The following CTNND2 variants were observed in gnomAD, a reference collection of about 807,000 sequenced individuals.
CTNND2 encodes catenin delta-2.
In CTNND2, 22 loss-of-function variants were observed where a neutral mutation model predicts 144.4. The ratio of observed to expected loss-of-function variants is 0.15; its 90% CI spans 0.11 to 0.22. The LOEUF (loss-of-function observed/expected upper bound fraction) is 0.22. Among genes scored for constraint, CTNND2 ranks in the 10% least tolerant of loss-of-function variants. The probability of loss-of-function intolerance (pLI) is 1.00; values close to 1 mark genes in which losing one functional copy is unlikely to be tolerated. For synonymous variants in CTNND2, 751 were observed against 695.6 expected (o/e 1.08, Z -1.25); for missense variants, 1,353 against 1,618.8 (o/e 0.84, Z 2.82).
intron 1 of CTNND2, among the ~76,000 whole-genome samples, chr5:11,764,966 A>T (rs73743230): frequency 1.3e-4 from 20 of 152,328 alleles, no homozygotes; most frequent in African/African-American, 4.8e-4. Context: ...AAATTTATCA[A>T]GTTCCATTGG....
rs140586359 is a variant in CTNND2 at position 11,180,709 on chromosome 5, G to A, written c.1975+18739C>T. The stretch of plus-strand genomic sequence containing the variant: ...ATCTCTTTTCCATATTTGCCCTAGG[G>A]CTTAGCTGAGCAACACACTCTAGAT... On this transcript the variant is annotated intron_variant, in intron 11 of 21. Coordinates refer to ENST00000304623, the MANE Select transcript of CTNND2 (RefSeq NM_001332.4). Among the ~76,000 whole-genome samples, 47 of 152,302 alleles carry A rather than the reference G, an allele frequency of 3.1e-4. No individual in the cohort carries two copies. In the East Asian group the frequency reaches 8.7e-3, roughly 28 times the overall value.
Position 11,723,323 on chromosome 5 carries a change from G to A in CTNND2, c.174+8813C>T, listed in dbSNP as rs540644878. Among the ~76,000 whole-genome samples the A allele has an allele frequency of 3.9e-5, 6 of 152,160 alleles. No homozygotes were observed. In the South Asian group the frequency reaches 1.0e-3, roughly 26 times the overall value. ...GAGTAAATAAGCCTCATATTAAACTGAAAATATCTCATTCCACCTGATTAA... is the reference window on the plus strand; with the variant it reads ...GAGTAAATAAGCCTCATATTAAACTAAAAATATCTCATTCCACCTGATTAA... On this transcript the variant is annotated intron_variant, in intron 2 of 21. Coordinates refer to ENST00000304623, the MANE Select transcript of CTNND2 (RefSeq NM_001332.4).
chr5:11,165,375 A>T (rs1287975995), intron 11 of CTNND2, among the ~76,000 whole-genome samples: 3 of 152,158 alleles, frequency 2.0e-5, no homozygotes, highest in African/African-American at 7.2e-5. Context: ...CTGAGGAAAA[A>T]CTATAAAACT....
At chr5:11,543,957 T>C (rs1774985204) in intron 3 of CTNND2, among the ~76,000 whole-genome samples, 1 of 152,134 alleles carries the variant, frequency 6.6e-6, no homozygotes, top group Non-Finnish European at 1.5e-5. Flanking sequence ...GGAACATGAA[T>C]CCACAATCGG....
At chr5:11,290,606 T>C (rs73743737) in intron 9 of CTNND2, among the ~76,000 whole-genome samples, 291 of 152,310 alleles carry the variant, frequency 1.9e-3, no homozygotes, top group African/African-American at 6.9e-3. Flanking sequence ...GCAACTATAA[T>C]TTACCTTCAG....
intron 3 of CTNND2, among the ~76,000 whole-genome samples, chr5:11,552,003 C>G (rs1775807153): frequency 6.6e-6 from 1 of 152,228 alleles, no homozygotes; most frequent in South Asian, 2.1e-4. Context: ...ATCCTGGCCT[C>G]AAGTGATCCC....
intron 16 of CTNND2, among the ~76,000 whole-genome samples, chr5:11,043,379 G>A (rs758682759): frequency 3.3e-5 from 5 of 152,024 alleles, no homozygotes; most frequent in Non-Finnish European, 7.4e-5. Context: ...CAGGATTCCA[G>A]CATTCATATT....
At chr5:11,678,399 T>G (rs987426475) in intron 2 of CTNND2, among the ~76,000 whole-genome samples, 1 of 152,142 alleles carries the variant, frequency 6.6e-6, no homozygotes, top group African/African-American at 2.4e-5. Context: ...CTAGACCTGC[T>G]GAGTCAAGAG....
intron 2 of CTNND2, among the ~76,000 whole-genome samples, chr5:11,636,917 T>C (rs1781737358): frequency 6.6e-6 from 1 of 152,144 alleles, no homozygotes. Flanking sequence ...ATTTAGAATT[T>C]ATTTCTCTGA....
intron 3 of CTNND2, among the ~76,000 whole-genome samples, chr5:11,544,334 T>C (rs187262030): frequency 1.7e-4 from 26 of 152,274 alleles, no homozygotes; most frequent in Non-Finnish European, 2.4e-4. Flanking sequence ...AACAGCTTAA[T>C]AGAACACTGA....
At chr5:11,337,457 T>C (rs1393856098) in intron 9 of CTNND2, among the ~76,000 whole-genome samples, 1 of 152,202 alleles carries the variant, frequency 6.6e-6, no homozygotes, top group Non-Finnish European at 1.5e-5. Context: ...TTGCAGTCTT[T>C]GATATCTGTT....
chr5:11,555,585 G>A (rs1343115795), intron 3 of CTNND2, among the ~76,000 whole-genome samples: 1 of 151,970 alleles, frequency 6.6e-6, no homozygotes, highest in Non-Finnish European at 1.5e-5. Flanking sequence ...TGAATCTTGA[G>A]GACCCAAAAA....
intron 3 of CTNND2, among the ~76,000 whole-genome samples, chr5:11,508,738 C>T (rs967010620): frequency 6.6e-6 from 1 of 151,964 alleles, no homozygotes; most frequent in African/African-American, 2.4e-5. Flanking sequence ...ATGGTGAAAC[C>T]CCATCTCTAC....
At chr5:11,279,555 G>A (rs890217882) in intron 9 of CTNND2, among the ~76,000 whole-genome samples, 3 of 152,140 alleles carry the variant, frequency 2.0e-5, no homozygotes, top group African/African-American at 7.2e-5. Flanking sequence ...CCACTTCAAA[G>A]CTAAGGAAAT....
chr5:11,277,879 T>A (rs1746709074), intron 9 of CTNND2, among the ~76,000 whole-genome samples: 1 of 152,180 alleles, frequency 6.6e-6, no homozygotes, highest in Admixed American at 6.5e-5. Flanking sequence ...AATACCCAAG[T>A]GCACTTCCCT....
chr5:11,153,606 A>G (rs945935993), intron 12 of CTNND2, among the ~76,000 whole-genome samples: 10 of 152,196 alleles, frequency 6.6e-5, no homozygotes, highest in African/African-American at 2.2e-4. Flanking sequence ...GCACTCATCC[A>G]TTTTATGGGT....
chr5:11,020,172 T>TA (rs1262304785), intron 17 of CTNND2, among the ~76,000 whole-genome samples: 1 of 152,116 alleles, frequency 6.6e-6, no homozygotes, highest in African/African-American at 2.4e-5. Context: ...GCAGTTCTGA[T>TA]AGACTGTGAT....
chr5:11,138,778 G>A (rs1251916724), intron 12 of CTNND2, among the ~76,000 whole-genome samples: 1 of 152,132 alleles, frequency 6.6e-6, no homozygotes, highest in Non-Finnish European at 1.5e-5. Context: ...TGGTGTCTTG[G>A]CTTATAATTT....
At chr5:11,808,880 T>C (rs1792155530) in intron 1 of CTNND2, among the ~76,000 whole-genome samples, 1 of 152,224 alleles carries the variant, frequency 6.6e-6, no homozygotes. Flanking sequence ...ATGAAAATAT[T>C]GACAACTGCA....
Sources: gnomAD v4.1 joint callset for allele counts (sites outside exome capture counted in the v4.1 genomes callset) on GRCh38, gnomAD v4.1.1 for gene constraint, MANE v1.5 for transcripts, NCBI Gene and HGNC (gene_info 2026-07-23, HGNC 2026-07-21) for gene names.